ABCB1: variants seen among roughly 807,000 people sequenced by gnomAD.
The protein encoded by ABCB1 is ATP binding cassette subfamily B member 1.
A neutral mutation model predicts 142.0 loss-of-function variants in ABCB1; 69 were observed. The observed-to-expected ratio is 0.49, with a 90% CI of 0.40 to 0.59. The LOEUF is 0.59. ABCB1 is among the 20% of genes least tolerant of loss of function. The probability of loss-of-function intolerance (pLI) is 0.00; values close to 1 mark genes in which losing one functional copy is unlikely to be tolerated. For synonymous variants in ABCB1, 532 were observed against 539.2 expected (o/e 0.99, Z 0.18); for missense variants, 1,326 against 1,554.7 (o/e 0.85, Z 2.47).
At chr7:87,568,414 A>G (rs927756371) in intron 5 of ABCB1, among the ~76,000 whole-genome samples, 1 of 86,272 alleles carries the variant, frequency 1.2e-5, no homozygotes, top group East Asian at 2.2e-4. Flanking sequence ...ACTCCATCTC[A>G]AAAAAAAAAA....
intron 2 of ABCB1, 127 bp from the exon 3 acceptor site, chr7:87,595,941 A>G: frequency 2.8e-6 from 2 of 723,726 alleles, no homozygotes; most frequent in South Asian, 3.5e-5. Context: ...TATACAGTTA[A>G]AAAACAGGAT....
chr7:87,617,027 A>T (rs951373064), intron 1 of ABCB1, among the ~76,000 whole-genome samples: 3 of 152,192 alleles, frequency 2.0e-5, no homozygotes, highest in Non-Finnish European at 4.4e-5. Context: ...TGGGAGTGGG[A>T]TACAAGTTGA....
upstream of ABCB1, among the ~76,000 whole-genome samples, chr7:87,601,424 T>G (rs1037282105): frequency 8.5e-5 from 13 of 152,216 alleles, no homozygotes; most frequent in South Asian, 4.1e-4. Flanking sequence ...AAAAAATATA[T>G]AGAGACAGGT....
chr7:87,683,624 A>G (rs1000643201), intron 1 of ABCB1, among the ~76,000 whole-genome samples: 10 of 152,328 alleles, frequency 6.6e-5, no homozygotes, highest in African/African-American at 1.9e-4. Flanking sequence ...TTGCCATTTT[A>G]TACAGGTGTG....
chr7:87,552,631 C>A (rs1228754196), intron 9 of ABCB1, among the ~76,000 whole-genome samples: 3 of 149,364 alleles, frequency 2.0e-5, no homozygotes, highest in Non-Finnish European at 3.0e-5. Context: ...AAGGATCACC[C>A]ACAGCATCAC....
chr7:87,565,472 GGA>G (rs1227903795), intron 7 of ABCB1: 1 of 455,510 alleles, frequency 2.2e-6, no homozygotes, highest in Non-Finnish European at 4.4e-6. Context: ...CTTCATGACA[GGA>G]GAGAGAGCTG....
intron 1 of ABCB1, among the ~76,000 whole-genome samples, chr7:87,632,956 A>G (rs1240689189): frequency 1.3e-5 from 2 of 152,238 alleles, no homozygotes; most frequent in African/African-American, 2.4e-5. Flanking sequence ...GACTAATAAG[A>G]GGAATATAAG....
chr7:87,649,510 C>T (rs1237011377), intron 1 of ABCB1, among the ~76,000 whole-genome samples: 1 of 152,102 alleles, frequency 6.6e-6, no homozygotes, highest in East Asian at 1.9e-4. Flanking sequence ...TTTGTTTGTG[C>T]TAGGAATATG....
upstream of ABCB1, among the ~76,000 whole-genome samples, chr7:87,605,546 A>G (rs1819621175): frequency 6.6e-6 from 1 of 152,246 alleles, no homozygotes; most frequent in Non-Finnish European, 1.5e-5. Flanking sequence ...AATGTTTTTA[A>G]ATGAATGACA....
At position 87,694,078 on chromosome 7, in the gene ABCB1, G is replaced by A. The variant is rs1038389695; in HGVS notation, c.-331+19083C>T. On this transcript the variant is annotated intron_variant, in intron 1 of 28. Coordinates refer to the ABCB1 transcript ENST00000265724. The stretch of plus-strand genomic sequence containing the variant: ...TAGTACATTGCATGGGTTTTGTAAA[G>A]CCTTCTTTTTTGTGTGTTTTTGTTT... 4.0e-6 allele frequency: 6 copies of A among 1,512,600 alleles called. No individual in the cohort carries two copies. In the East Asian group the frequency reaches 7.3e-5, roughly 19 times the overall value. The allele number at this position is 1,512,600 out of a possible 1,614,324, so 93.7% of individuals were successfully genotyped here.
chr7:87,587,670 T>G lies in ABCB1; in HGVS notation c.118-1990A>C, dbSNP rs551939499. Among the ~76,000 whole-genome samples the G allele has an allele frequency of 8.4e-4, 127 of 151,968 alleles. 1 individual carries two copies. Among genetic ancestry groups the G allele is most frequent in the South Asian group, 2.7e-3 (13 of 4,796 alleles). ...GCAGATCACGAGGTCAGGAGATCAA[T>G]ACCATCCTGGCTAACACAGTGAAAC... On this transcript the variant is annotated intron_variant, in intron 3 of 27. Transcript: ENST00000622132.
In ABCB1 at chr7:87,524,566, A is replaced by G. The variant is rs1254593378; in HGVS notation, c.2686-3690T>C. ...ACATGGACACAGGAAGCGGAACATC[A>G]CACACTGGGGCCTGTTGTGGGGTAG... On this transcript the variant is annotated intron_variant, in intron 21 of 27. Transcript: ENST00000622132. Among the ~76,000 whole-genome samples, 6 of 151,776 alleles carry G rather than the reference A, an allele frequency of 4.0e-5. No homozygotes were observed. The East Asian group carries it at 1.2e-3, about 29-fold the overall frequency.
At chr7:87,667,476 C>T (rs1825380541) in intron 1 of ABCB1, among the ~76,000 whole-genome samples, 1 of 151,812 alleles carries the variant, frequency 6.6e-6, no homozygotes, top group Admixed American at 6.6e-5. Flanking sequence ...TTTGGATGCC[C>T]TTTATTTCTT....
At chr7:87,677,858 A>G (rs376909376) in intron 1 of ABCB1, among the ~76,000 whole-genome samples, 6 of 152,232 alleles carry the variant, frequency 3.9e-5, no homozygotes, top group Non-Finnish European at 7.3e-5. Flanking sequence ...GGTTTTCAAC[A>G]GGAACCATGG....
chr7:87,551,659 T>TA lies in ABCB1; in HGVS notation c.1000-822dup, dbSNP rs28381892. ...ACAAGTGCCACCATATCTGGCTAAT[T>TA]AAAAAAAAAAATTATAGAGATGAGA... On this transcript the variant is annotated intron_variant, in intron 9 of 27. Coordinates refer to ENST00000622132, the MANE Select transcript of ABCB1 (RefSeq NM_001348946.2). Among the ~76,000 whole-genome samples the TA allele has an allele frequency of 7.7e-3, 1,154 of 149,880 alleles. 34 individuals are homozygous for TA. The highest frequency in any genetic ancestry group is 0.063 in the Admixed American group (951 of 15,086).
chr7:87,590,153 A>G (rs1305754987), intron 3 of ABCB1, among the ~76,000 whole-genome samples: 1 of 152,226 alleles, frequency 6.6e-6, no homozygotes, highest in Non-Finnish European at 1.5e-5. Context: ...GAACCTAATA[A>G]GGTCAGGCTT....
chr7:87,531,322 T>C lies in ABCB1; in HGVS notation c.2657A>G (p.Asp886Gly). 6.2e-7 allele frequency: 1 copy of C among 1,613,336 alleles called. No individual in the cohort carries two copies. Among genetic ancestry groups the C allele is most frequent in the Non-Finnish European group, 8.5e-7 (1 of 1,179,598 alleles). The stretch of plus-strand genomic sequence containing the variant: ...CCCAGAACCTTCTAGTTCTTTCTTA[T>C]CTTTCAGTGCTTGTCCAGACAACAT... Reference protein sequence around the residue: ...MKMLSGQALKDKKELEGSGKI... With the variant: ...MKMLSGQALKGKKELEGSGKI... The change falls in exon 21 of 28, where the codon GAT becomes GGT. Residue 886 changes from aspartate (D) to glycine (G), a missense_variant. By Grantham distance (94) the Asp-to-Gly change is moderately conservative. Transcript: ENST00000622132.
chr7:87,668,780 AT>A (rs1315647558), intron 1 of ABCB1, among the ~76,000 whole-genome samples: 4 of 152,060 alleles, frequency 2.6e-5, no homozygotes, highest in Non-Finnish European at 5.9e-5. Flanking sequence ...GTGTGATTGC[AT>A]GGTTCTGAGT....
intron 1 of ABCB1, among the ~76,000 whole-genome samples, chr7:87,635,692 G>A (rs1413317205): frequency 6.6e-6 from 1 of 152,124 alleles, no homozygotes; most frequent in Non-Finnish European, 1.5e-5. Context: ...CATTTTTGTG[G>A]TAGGGCACAA....
Sources: gnomAD v4.1 joint callset for allele counts (sites outside exome capture counted in the v4.1 genomes callset) on GRCh38, gnomAD v4.1.1 for gene constraint, MANE v1.5 for transcripts, NCBI Gene and HGNC (gene_info 2026-07-23, HGNC 2026-07-21) for gene names.